Variants in CLNK observed in about 807,000 individuals in gnomAD.
CLNK encodes cytokine-dependent hematopoietic cell linker.
Under a neutral mutation model 68.6 loss-of-function variants are expected in CLNK, and 74 were observed. The ratio of observed to expected loss-of-function variants is 1.08; its 90% CI spans 0.89 to 1.31. The LOEUF (loss-of-function observed/expected upper bound fraction) is 1.31, where lower values mean the gene tolerates loss of function less well. Ranked by LOEUF, CLNK falls within the 50% of genes most tolerant of loss-of-function variation. The pLI, the probability that CLNK is intolerant of heterozygous loss-of-function variation, is 0.00. For synonymous variants in CLNK, 198 were observed against 172.2 expected (o/e 1.15, Z -1.17); for missense variants, 553 against 515.3 (o/e 1.07, Z -0.71).
chr4:10,548,245 A>G (rs537709157), intron 8 of CLNK, among the ~76,000 whole-genome samples: 2 of 152,064 alleles, frequency 1.3e-5, no homozygotes, highest in Non-Finnish European at 2.9e-5. Context: ...CATTTCCTTC[A>G]TGACCAGTGA....
Position 10,525,522 on chromosome 4 carries a change from C to A in CLNK, c.731+319G>T, listed in dbSNP as rs139024308. On this transcript the variant is annotated intron_variant, in intron 14 of 18. Coordinates refer to ENST00000226951, the MANE Select transcript of CLNK (RefSeq NM_052964.4). Reference sequence around the variant, plus strand: ...ACTAAAGCTTTGGTGTGGTCATCAACCCTGAATAGTTTGAAACAACAAACT... The same window carrying A: ...ACTAAAGCTTTGGTGTGGTCATCAAACCTGAATAGTTTGAAACAACAAACT... Among the ~76,000 whole-genome samples, 264 of 152,310 alleles carry A rather than the reference C, an allele frequency of 1.7e-3. 5 individuals are homozygous for A. The highest frequency in any genetic ancestry group is 6.1e-3 in the African/African-American group (253 of 41,556).
At chr4:10,634,400 G>C (rs912555981) in intron 2 of CLNK, among the ~76,000 whole-genome samples, 1 of 152,108 alleles carries the variant, frequency 6.6e-6, no homozygotes, top group Non-Finnish European at 1.5e-5. Flanking sequence ...GTGTGCGCTC[G>C]GCTCTTCATA....
chr4:10,609,614 C>T (rs1266703751), intron 2 of CLNK, among the ~76,000 whole-genome samples: 2 of 152,200 alleles, frequency 1.3e-5, no homozygotes, highest in Admixed American at 6.5e-5. Flanking sequence ...ATCCAAGACT[C>T]CTGGAGGCAG....
At chr4:10,539,407 C>T (rs1718928886) in intron 11 of CLNK, among the ~76,000 whole-genome samples, 1 of 152,174 alleles carries the variant, frequency 6.6e-6, no homozygotes, top group Non-Finnish European at 1.5e-5. Context: ...CAAAATGAGC[C>T]TATCCTGAGT....
chr4:10,623,764 T>G (rs1231679509), intron 2 of CLNK, among the ~76,000 whole-genome samples: 1 of 152,208 alleles, frequency 6.6e-6, no homozygotes, highest in Non-Finnish European at 1.5e-5. Flanking sequence ...AATAAGCAAT[T>G]TCAGTTCAGT....
chr4:10,556,594 T>G (rs1340246960), intron 8 of CLNK, among the ~76,000 whole-genome samples: 1 of 152,162 alleles, frequency 6.6e-6, no homozygotes, highest in Non-Finnish European at 1.5e-5. Flanking sequence ...CTCATCTGAT[T>G]TCTCTCCAGG....
chr4:10,695,058 G>A, the CLNK span, among the ~76,000 whole-genome samples: 1 of 152,182 alleles, frequency 6.6e-6, no homozygotes, highest in Non-Finnish European at 1.5e-5. Context: ...TGGGAAAGGG[G>A]AGATATTGAT....
At chr4:10,512,233 ATT>A (rs199665271) in intron 16 of CLNK, among the ~76,000 whole-genome samples, 9 of 141,672 alleles carry the variant, frequency 6.4e-5, no homozygotes, top group Admixed American at 2.1e-4. Context: ...AAGGATATGC[ATT>A]TTTTTTTTTT....
chr4:10,650,784 AT>A lies in CLNK; in HGVS notation c.11+17074del, dbSNP rs769596966. ...CTCAATGGAAGGTTTGACATATAAA[AT>A]TTGCAATCTATGCATCTGGCAAAAG... On this transcript the variant is annotated intron_variant, in intron 2 of 18. Coordinates refer to ENST00000226951, the MANE Select transcript of CLNK (RefSeq NM_052964.4). Among the ~76,000 whole-genome samples the A allele has an allele frequency of 6.7e-4, 102 of 152,222 alleles. 2 individuals are homozygous for A. In the Middle Eastern group the frequency reaches 0.054, roughly 81 times the overall value.
chr4:10,733,729 C>T, the CLNK span, among the ~76,000 whole-genome samples: 2 of 152,120 alleles, frequency 1.3e-5, no homozygotes, highest in Non-Finnish European at 2.9e-5. Flanking sequence ...TTGATAGGAG[C>T]TTGTTGTATT....
the CLNK span, among the ~76,000 whole-genome samples, chr4:10,729,157 C>G: frequency 6.6e-6 from 1 of 152,070 alleles, no homozygotes. Flanking sequence ...CTGAATTTTT[C>G]TCTTTGTGTC....
chr4:10,635,819 T>C (rs910879288), intron 2 of CLNK: 7 of 152,160 alleles, frequency 4.6e-5, no homozygotes, highest in Admixed American at 4.6e-4. Flanking sequence ...GGTTTGGGGT[T>C]GAGAGGAATG....
At chr4:10,698,006 G>A in the CLNK span, among the ~76,000 whole-genome samples, 22 of 152,266 alleles carry the variant, frequency 1.4e-4, no homozygotes, top group East Asian at 7.7e-4. Flanking sequence ...AGTGCTGACC[G>A]TTTTGTGTTA....
At chr4:10,582,566 A>G (rs1440030270) in intron 4 of CLNK, among the ~76,000 whole-genome samples, 1 of 152,068 alleles carries the variant, frequency 6.6e-6, no homozygotes, top group Non-Finnish European at 1.5e-5. Context: ...AAAACTCATG[A>G]GTTTATTTTA....
chr4:10,571,970 A>G (rs963094510), intron 4 of CLNK, among the ~76,000 whole-genome samples, 192 bp from the exon 5 acceptor site: 2 of 152,240 alleles, frequency 1.3e-5, no homozygotes, highest in African/African-American at 4.8e-5. Flanking sequence ...AAAACAGGAC[A>G]AAGAAACAGG....
intron 3 of CLNK, among the ~76,000 whole-genome samples, chr4:10,593,828 A>G (rs1261206597): frequency 1.3e-5 from 2 of 152,198 alleles, no homozygotes; most frequent in Non-Finnish European, 2.9e-5. Flanking sequence ...ATAGCCAATG[A>G]GGTGACGAAT....
intron 2 of CLNK, among the ~76,000 whole-genome samples, chr4:10,653,602 G>A (rs959506490): frequency 1.3e-5 from 2 of 152,006 alleles, no homozygotes; most frequent in African/African-American, 4.8e-5. Flanking sequence ...GAACAGGATG[G>A]CTAAAATTTA....
intron 17 of CLNK, among the ~76,000 whole-genome samples, chr4:10,501,685 G>T (rs1717059042): frequency 6.6e-6 from 1 of 152,294 alleles, no homozygotes; most frequent in East Asian, 1.9e-4. Context: ...CCAGCACTTT[G>T]GGAGGCCAAG....
At chr4:10,696,918 T>C in the CLNK span, among the ~76,000 whole-genome samples, 3 of 152,230 alleles carry the variant, frequency 2.0e-5, no homozygotes, top group Non-Finnish European at 4.4e-5. Context: ...CCCAGATCAC[T>C]GATTAAAATC....
Sources: allele counts gnomAD v4.1 joint callset (sites outside exome capture counted in the v4.1 genomes callset), GRCh38; gene constraint gnomAD v4.1.1; transcripts MANE v1.5; gene names NCBI Gene and HGNC (gene_info 2026-07-23, HGNC 2026-07-21).